SGK3: variants seen among roughly 807,000 people sequenced by gnomAD.
SGK3 encodes the protein serine/threonine-protein kinase Sgk3.
A neutral mutation model predicts 68.5 loss-of-function variants in SGK3; 47 were observed. The observed-to-expected ratio is 0.69, with a 90% CI of 0.54 to 0.87. The LOEUF (loss-of-function observed/expected upper bound fraction) is 0.87. SGK3 is among the 40% of genes least tolerant of loss of function. The pLI is 0.00. For missense variants in SGK3, 479 were observed against 575.5 expected, an observed-to-expected ratio of 0.83 and a Z score of 1.72; for synonymous variants, 181 against 189.1, an observed-to-expected ratio of 0.96 and a Z score of 0.35.
At chr8:66,807,000 G>A (rs1472090147) in intron 4 of SGK3, among the ~76,000 whole-genome samples, 4 of 152,158 alleles carry the variant, frequency 2.6e-5, no homozygotes, top group South Asian at 2.1e-4. Context: ...AACTGACAGT[G>A]TGTAATTTAT....
At chr8:66,768,116 A>T (rs1212956620) in intron 1 of SGK3, 1 of 433,288 alleles carries the variant, frequency 2.3e-6, no homozygotes, top group East Asian at 5.1e-5. Flanking sequence ...CACTTATAGG[A>T]TATATCTTAC....
At chr8:66,811,218 A>G (rs1050954770) in intron 4 of SGK3, among the ~76,000 whole-genome samples, 8 of 152,060 alleles carry the variant, frequency 5.3e-5, no homozygotes, top group Non-Finnish European at 7.4e-5. Context: ...TGCTCTCACT[A>G]TGTTGTCCAG....
chr8:66,790,809 C>G (rs768223981), intron 1 of SGK3: 1 of 151,238 alleles, frequency 6.6e-6, no homozygotes, highest in African/African-American at 2.5e-5. Flanking sequence ...CACCTGCACT[C>G]CATCCTGTGA....
intron 10 of SGK3, among the ~76,000 whole-genome samples, 199 bp downstream of exon 10, chr8:66,836,273 A>G (rs901630597): frequency 1.3e-5 from 2 of 152,232 alleles, no homozygotes; most frequent in Non-Finnish European, 2.9e-5. Flanking sequence ...GAGAAGGTTC[A>G]TAAAAGAACC....
chr8:66,833,341 A>G (rs1809378868), intron 8 of SGK3, among the ~76,000 whole-genome samples: 1 of 152,046 alleles, frequency 6.6e-6, no homozygotes, highest in African/African-American at 2.4e-5. Flanking sequence ...TTCTGTTTCT[A>G]CATTGCATTT....
chr8:66,830,273 G>T (rs559846582), intron 7 of SGK3, among the ~76,000 whole-genome samples: 1 of 152,254 alleles, frequency 6.6e-6, no homozygotes, highest in East Asian at 1.9e-4. Context: ...TTCACTGTTA[G>T]ATTTGTTTAC....
chr8:66,828,627 GT>G (rs758539621), intron 6 of SGK3, 26 bp from the exon 7 acceptor site: 37 of 1,613,476 alleles, frequency 2.3e-5, no homozygotes, highest in Non-Finnish European at 3.0e-5. Context: ...CAATAAGAAT[GT>G]TGTTTTTCTT....
intron 1 of SGK3, among the ~76,000 whole-genome samples, chr8:66,730,135 T>C (rs904162041): frequency 1.3e-5 from 2 of 152,200 alleles, no homozygotes; most frequent in African/African-American, 4.8e-5. Context: ...CTTTTCTTTC[T>C]TTCTATTTTA....
chr8:66,781,899 A>T (rs1807001205), intron 1 of SGK3, among the ~76,000 whole-genome samples: 1 of 152,194 alleles, frequency 6.6e-6, no homozygotes, highest in Admixed American at 6.5e-5. Context: ...ATCAGTAAGG[A>T]AGGAAAACAG....
In SGK3 at chr8:66,803,803, T is replaced by C. The variant is rs182425570; in HGVS notation, c.181-572T>C. On this transcript the variant is annotated intron_variant, in intron 3 of 16. Coordinates refer to ENST00000521198, the MANE Select transcript of SGK3 (RefSeq NM_001033578.3). ...TTAGGAGTAGCTGGGACCACAGGCA[T>C]ATGCCACCATGCCTGGCTTTTTTTT... Among the ~76,000 whole-genome samples, 6 of 152,102 alleles carry C rather than the reference T, an allele frequency of 3.9e-5. No homozygotes were observed. In the East Asian group the frequency reaches 1.2e-3, roughly 29 times the overall value.
intron 2 of SGK3, among the ~76,000 whole-genome samples, chr8:66,795,704 G>A (rs569769459): frequency 1.3e-5 from 2 of 152,224 alleles, no homozygotes; most frequent in South Asian, 2.1e-4. Context: ...TGTGCACTGA[G>A]TTCTCAAAGG....
At chr8:66,755,770 A>G (rs1257753711) in intron 1 of SGK3, among the ~76,000 whole-genome samples, 2 of 152,220 alleles carry the variant, frequency 1.3e-5, no homozygotes, top group Non-Finnish European at 2.9e-5. Context: ...ACAGTTATAA[A>G]ACAGTTAAAT....
At chr8:66,775,930 G>A (rs1190711916) in intron 1 of SGK3, among the ~76,000 whole-genome samples, 2 of 151,876 alleles carry the variant, frequency 1.3e-5, no homozygotes, top group Non-Finnish European at 2.9e-5. Flanking sequence ...TAGTTTTAGC[G>A]TATGTAAAAT....
intron 1 of SGK3, among the ~76,000 whole-genome samples, chr8:66,751,175 G>A (rs1051501769): frequency 2.0e-5 from 3 of 152,060 alleles, no homozygotes; most frequent in Non-Finnish European, 4.4e-5. Context: ...GGTGGCGGGC[G>A]CCTGTAGTCC....
intron 1 of SGK3, among the ~76,000 whole-genome samples, chr8:66,731,355 T>C (rs1199194841): frequency 6.6e-6 from 1 of 152,234 alleles, no homozygotes; most frequent in Admixed American, 6.5e-5. Flanking sequence ...GTTATTCTCC[T>C]AAATACTTTT....
intron 1 of SGK3, among the ~76,000 whole-genome samples, chr8:66,748,579 C>T (rs980591849): frequency 6.6e-6 from 1 of 152,142 alleles, no homozygotes; most frequent in African/African-American, 2.4e-5. Context: ...CATCTCGATC[C>T]TCCTGGACCT....
At chr8:66,854,390 C>A (rs1230491124) in intron 16 of SGK3, among the ~76,000 whole-genome samples, 2 of 152,064 alleles carry the variant, frequency 1.3e-5, no homozygotes, top group East Asian at 1.9e-4. Flanking sequence ...AGAAAATAAT[C>A]CCTAAATTAA....
rs1452033270 is a variant in SGK3, at chr8:66,817,014, A to G, written c.329+3086A>G. On this transcript the variant is annotated intron_variant, in intron 5 of 16. Coordinates refer to ENST00000521198, the MANE Select transcript of SGK3 (RefSeq NM_001033578.3). ...CCCAGCTAATTTTTGTATTTTTAGT[A>G]GAGGCGGGGTTTCATCAATGGGCCA... Among the ~76,000 whole-genome samples the G allele has an allele frequency of 4.6e-5, 7 of 151,826 alleles. No homozygotes were observed. The East Asian group carries it at 1.4e-3, about 30-fold the overall frequency.
At position 66,844,295 on chromosome 8, in the gene SGK3, C is replaced by T. The variant is rs1386914912; in HGVS notation, c.1074+748C>T. The stretch of plus-strand genomic sequence containing the variant: ...TTGTTTAATAGATTTAATTAATACA[C>T]AGGTGCTCAGCTTTTCCCATGATTG... On this transcript the variant is annotated intron_variant, in intron 14 of 16. Transcript: ENST00000521198. Among the ~76,000 whole-genome samples the T allele has an allele frequency of 3.9e-5, 6 of 152,230 alleles. No individual in the cohort carries two copies. In the East Asian group the frequency reaches 5.8e-4, roughly 15 times the overall value.
Sources: gnomAD v4.1 joint callset for allele counts (sites outside exome capture counted in the v4.1 genomes callset) on GRCh38, gnomAD v4.1.1 for gene constraint, MANE v1.5 for transcripts, NCBI Gene and HGNC (gene_info 2026-07-23, HGNC 2026-07-21) for gene names.